The following ITGA11 variants were observed in gnomAD, a reference collection of about 807,000 sequenced individuals.
ITGA11 encodes integrin subunit alpha 11.
A neutral mutation model predicts 141.9 loss-of-function variants in ITGA11; 97 were observed. The observed-to-expected ratio is 0.68, with a 90% CI of 0.58 to 0.81. The LOEUF is 0.81. ITGA11 is among the 30% of genes least tolerant of loss of function. The pLI is 0.00. For missense variants in ITGA11, 1,387 were observed against 1,559.2 expected (o/e 0.89, Z 1.86); for synonymous variants, 658 against 624.6 (o/e 1.05, Z -0.80).
In ITGA11 at chr15:68,317,502, C is replaced by T. The variant is rs541929034; in HGVS notation, c.2617-139G>A. On this transcript the variant is annotated intron_variant, in intron 20 of 29. Transcript: ENST00000315757. ...GATACCCATATGAAAGCCTGGACCA[C>T]AGCCCTTCTGATGTCTGAGACCCCA... is the stretch of plus-strand genomic sequence containing the variant. 2.9e-4 allele frequency: 193 copies of T among 659,798 alleles called. 3 individuals carry two copies. In the South Asian group the frequency reaches 3.3e-3, roughly 11 times the overall value. 40.9% of individuals were successfully genotyped at this position (659,798 alleles called of 1,614,324 possible).
Position 68,315,804 on chromosome 15 carries a change from C to T in ITGA11, c.2716-77G>A, listed in dbSNP as rs151302329. The T allele has an allele frequency of 2.8e-3, 3,403 of 1,221,350 alleles. 67 individuals carry two copies. In the African/African-American group the frequency reaches 0.046, roughly 16 times the overall value. 75.7% of individuals were successfully genotyped at this position (1,221,350 alleles called of 1,614,324 possible). A position where few individuals can be genotyped will look rare whatever the true frequency, so the allele number is the denominator to read the frequency against. On this transcript the variant is annotated intron_variant, in intron 21 of 29. Transcript: ENST00000315757. ...CTCCCCACAGCCCACTCCCCACAGC[C>T]CCCTGCTGGCTTGGGGAGAGGGAGC... is the stretch of plus-strand genomic sequence containing the variant.
intron 2 of ITGA11, among the ~76,000 whole-genome samples, chr15:68,399,407 C>T (rs1896409378): frequency 6.6e-6 from 1 of 151,988 alleles, no homozygotes; most frequent in Non-Finnish European, 1.5e-5. Flanking sequence ...GGAGATTTCT[C>T]AGAGAACTAA....
At chr15:68,397,953 TGA>T (rs1896363787) in intron 2 of ITGA11, among the ~76,000 whole-genome samples, 1 of 149,374 alleles carries the variant, frequency 6.7e-6, no homozygotes, top group South Asian at 2.1e-4. Context: ...AAGCAAATGC[TGA>T]GAGATTTTGT....
rs1824479 is a variant in ITGA11, at chr15:68,355,592, A to G, written c.749+1559T>C. On this transcript the variant is annotated intron_variant, in intron 7 of 29. Transcript: ENST00000315757. ...CTCCTGAATAGTTGGGACTACAAGC[A>G]TGTACCACCATGCCTGGCTAATTTT... Among the ~76,000 whole-genome samples, 6 of 151,850 alleles carry G rather than the reference A, an allele frequency of 4.0e-5. No individual in the cohort carries two copies. The South Asian group carries it at 1.3e-3, about 32-fold the overall frequency.
At chr15:68,358,789 T>C (rs1196758149) in intron 5 of ITGA11, among the ~76,000 whole-genome samples, 1 of 152,262 alleles carries the variant, frequency 6.6e-6, no homozygotes, top group Non-Finnish European at 1.5e-5. Context: ...ACCACTCTGC[T>C]GGCTGTTTGA....
At chr15:68,313,687 A>T (rs1893470095) in intron 23 of ITGA11, 92 bp downstream of exon 23, 2 of 950,210 alleles carry the variant, frequency 2.1e-6, no homozygotes, top group Admixed American at 2.0e-5. Context: ...GTCTGGCCCT[A>T]TTAGGGCCCA....
rs1006049572 is a variant in ITGA11, at chr15:68,412,044, C to G, written c.53-9015G>C. On this transcript the variant is annotated intron_variant, in intron 1 of 29. Transcript: ENST00000315757. The stretch of plus-strand genomic sequence containing the variant: ...CTTAGCTTGGACCAGTTCACTCCCC[C>G]ACCCTCAGCTGACCCCAGATATGTG... Among the ~76,000 whole-genome samples the G allele has an allele frequency of 1.4e-4, 21 of 152,284 alleles. No individual in the cohort carries two copies. The East Asian group carries it at 3.7e-3, about 27-fold the overall frequency.
Position 68,297,320 on chromosome 15 carries a change from G to A in ITGA11, c.*5739C>T, listed in dbSNP as rs762668124. 4 of 151,530 alleles carry A rather than the reference G, an allele frequency of 2.6e-5. No homozygotes were observed. The highest frequency in any genetic ancestry group is 4.9e-5 in the African/African-American group (2 of 41,210). 9.4% of individuals were successfully genotyped at this position (151,530 alleles called of 1,614,324 possible). ...AGTGGCTAACTTTTTTCATTATTAC[G>A]TGTTTATTTTTCCAGATGAAGTTTG... On this transcript the variant is annotated 3_prime_UTR_variant, in exon 30 of 30. Coordinates refer to ENST00000315757, the MANE Select transcript of ITGA11 (RefSeq NM_001004439.2).
intron 1 of ITGA11, among the ~76,000 whole-genome samples, chr15:68,420,349 G>C (rs1896987030): frequency 6.6e-6 from 1 of 152,196 alleles, no homozygotes; most frequent in African/African-American, 2.4e-5. Flanking sequence ...ATAGTAAATA[G>C]TGATGAATAG....
chr15:68,377,851 T>C (rs1895766466), intron 2 of ITGA11, among the ~76,000 whole-genome samples: 1 of 152,174 alleles, frequency 6.6e-6, no homozygotes, highest in South Asian at 2.1e-4. Flanking sequence ...CCCCTTCCTA[T>C]GGGGTGAGGA....
chr15:68,351,521 C>T, intron 7 of ITGA11, 119 bp from the exon 8 acceptor site: 3 of 1,074,402 alleles, frequency 2.8e-6, no homozygotes, highest in Admixed American at 2.3e-5. Context: ...GGCAACCCAA[C>T]AGGTGCCAGG....
chr15:68,399,440 A>T (rs993400077), intron 2 of ITGA11, among the ~76,000 whole-genome samples: 3 of 152,160 alleles, frequency 2.0e-5, no homozygotes, highest in Non-Finnish European at 4.4e-5. Flanking sequence ...TATTTGACCC[A>T]GCAATCCCAA....
At position 68,328,400 on chromosome 15, in the gene ITGA11, C is replaced by T. The variant is rs185899900; in HGVS notation, c.1902-138G>A. On this transcript the variant is annotated intron_variant, in intron 15 of 29. Coordinates refer to ENST00000315757, the MANE Select transcript of ITGA11 (RefSeq NM_001004439.2). This position sits in a 1 kb window ranked among gnomAD's most constrained non-coding sequence, Gnocchi z 4.8. ...GGGGTGAGGTGGAGGATGGAGGGGGCGAGGTGGAGGATGGAGGGGGCTTCG... is the reference window on the plus strand; with the variant it reads ...GGGGTGAGGTGGAGGATGGAGGGGGTGAGGTGGAGGATGGAGGGGGCTTCG... The T allele has an allele frequency of 1.5e-5, 7 of 477,712 alleles. No homozygotes were observed. The highest frequency in any genetic ancestry group is 1.4e-4 in the South Asian group (2 of 14,506). The allele number at this position is 477,712 out of a possible 1,614,324, so 29.6% of individuals were successfully genotyped here. A position where few individuals can be genotyped will look rare whatever the true frequency, so the allele number is the denominator to read the frequency against.
At chr15:68,408,386 G>A (rs1480921992) in intron 1 of ITGA11, among the ~76,000 whole-genome samples, 2 of 152,116 alleles carry the variant, frequency 1.3e-5, no homozygotes, top group African/African-American at 4.8e-5. Flanking sequence ...GGATGTGACT[G>A]TCTGATTACT....
chr15:68,392,014 A>C (rs1410502400), intron 2 of ITGA11, among the ~76,000 whole-genome samples: 1 of 152,238 alleles, frequency 6.6e-6, no homozygotes, highest in East Asian at 1.9e-4. Flanking sequence ...TCCTTAATTC[A>C]GTCTGTCAAA....
chr15:68,387,866 T>C (rs1368633059), intron 2 of ITGA11, among the ~76,000 whole-genome samples: 1 of 152,092 alleles, frequency 6.6e-6, no homozygotes, highest in Non-Finnish European at 1.5e-5. Flanking sequence ...GACCCTTCTC[T>C]CTCCGCCTTC....
rs1336175222 is a variant in ITGA11, at chr15:68,326,027, G to T, written c.2211+627C>A. 2.0e-5 allele frequency among the ~76,000 whole-genome samples: 3 copies of T among 152,172 alleles called. No individual in the cohort carries two copies. The highest frequency in any genetic ancestry group is 2.0e-4 in the Admixed American group (3 of 15,282). ...GCTGCTGGTGTGGATGCGTCTCAGG[G>T]GGCCCCTTAACAGGGATGCACCTTC... On this transcript the variant is annotated intron_variant, in intron 17 of 29. Transcript: ENST00000315757. This position sits in a 1 kb window ranked among gnomAD's most constrained non-coding sequence, Gnocchi z 6.8.
chr15:68,358,652 C>A, intron 5 of ITGA11, 67 bp from the exon 6 acceptor site: 1 of 1,511,072 alleles, frequency 6.6e-7, no homozygotes. Flanking sequence ...ATTCTCTGGA[C>A]AATTGTTCAA....
chr15:68,335,083 C>T lies in ITGA11; in HGVS notation c.1425+614G>A, dbSNP rs750698252. Among the ~76,000 whole-genome samples the T allele has an allele frequency of 6.6e-6, 1 of 152,104 alleles. No homozygotes were observed. The highest frequency in any genetic ancestry group is 1.5e-5 in the Non-Finnish European group (1 of 68,002). On this transcript the variant is annotated intron_variant, in intron 12 of 29. Transcript: ENST00000315757. The surrounding 1 kb of genome is among the most constrained non-coding windows in gnomAD (Gnocchi z 4.9). ...AGGAGAGCCGGCAGGGAGCTGGGGA[C>T]AACATGGAAGGGCCTGGACAGCACT...
Sources: allele counts gnomAD v4.1 joint callset (sites outside exome capture counted in the v4.1 genomes callset), GRCh38; gene constraint gnomAD v4.1.1; non-coding constraint Gnocchi (gnomAD v3.1); transcripts MANE v1.5; gene names NCBI Gene and HGNC (gene_info 2026-07-23, HGNC 2026-07-21).